The following OSBPL6 variants were observed in gnomAD, a reference collection of about 807,000 sequenced individuals.
OSBPL6 encodes the protein oxysterol binding protein like 6.
A neutral mutation model predicts 125.8 loss-of-function variants in OSBPL6; 49 were observed. That is an observed-to-expected ratio of 0.39 (90% CI 0.31 to 0.49). The LOEUF (loss-of-function observed/expected upper bound fraction) is 0.49. OSBPL6 is among the 20% of genes least tolerant of loss of function. The pLI is 0.88. For missense variants in OSBPL6, 986 were observed against 1,135.4 expected (o/e 0.87, Z 1.89); for synonymous variants, 394 against 391.8 (o/e 1.01, Z -0.07).
chr2:178,373,625 G>A (rs1407683195), intron 14 of OSBPL6, among the ~76,000 whole-genome samples: 1 of 152,160 alleles, frequency 6.6e-6, no homozygotes, highest in Non-Finnish European at 1.5e-5. Context: ...GGTATTCATA[G>A]CGGCTTAACC....
chr2:178,361,291 G>A lies in OSBPL6; in HGVS notation c.1154-391G>A, dbSNP rs149210426. ...TTTTGGATAGTTCTAAATTATTTAT[G>A]TGAGACTTTATGCTACACAGAACTG... is the stretch of plus-strand genomic sequence containing the variant. On this transcript the variant is annotated intron_variant, in intron 12 of 24. Transcript: ENST00000190611. Among the ~76,000 whole-genome samples the A allele has an allele frequency of 4.5e-3, 679 of 152,308 alleles. 6 individuals carry two copies. The highest frequency in any genetic ancestry group is 0.02 in the Middle Eastern group (6 of 294).
intron 3 of OSBPL6, among the ~76,000 whole-genome samples, chr2:178,321,113 T>G (rs1028530070): frequency 2.6e-5 from 4 of 152,212 alleles, no homozygotes; most frequent in Non-Finnish European, 5.9e-5. Context: ...ATTGTGTCAC[T>G]GCACTCCAGC....
chr2:178,224,655 C>T (rs1034134091), intron 1 of OSBPL6, among the ~76,000 whole-genome samples: 5 of 152,190 alleles, frequency 3.3e-5, no homozygotes, highest in Non-Finnish European at 7.3e-5. Flanking sequence ...TCAGTTCTGG[C>T]CAGGTGTGGT....
chr2:178,378,026 A>C (rs1446112476), intron 15 of OSBPL6, among the ~76,000 whole-genome samples: 1 of 151,906 alleles, frequency 6.6e-6, no homozygotes, highest in Non-Finnish European at 1.5e-5. Flanking sequence ...ATGAGGTTTC[A>C]CCATGTTGGC....
At chr2:178,216,373 T>A (rs934095540) in intron 1 of OSBPL6, among the ~76,000 whole-genome samples, 1 of 152,192 alleles carries the variant, frequency 6.6e-6, no homozygotes, top group Non-Finnish European at 1.5e-5. Context: ...AAGGCAAGTA[T>A]GAAAGACTCT....
intron 2 of OSBPL6, among the ~76,000 whole-genome samples, chr2:178,286,744 G>A (rs1156317567): frequency 1.3e-5 from 2 of 152,116 alleles, no homozygotes; most frequent in Non-Finnish European, 2.9e-5. Context: ...CTTTTTGAAT[G>A]ACCCCCGTAG....
intron 18 of OSBPL6, among the ~76,000 whole-genome samples, chr2:178,384,515 C>T (rs1426253799): frequency 3.9e-5 from 6 of 152,140 alleles, no homozygotes; most frequent in Non-Finnish European, 7.4e-5. Flanking sequence ...ATGGAGACTT[C>T]CAGGTCATAG....
At chr2:178,377,345 A>C (rs935423400) in intron 15 of OSBPL6, among the ~76,000 whole-genome samples, 4 of 152,196 alleles carry the variant, frequency 2.6e-5, no homozygotes, top group African/African-American at 9.6e-5. Context: ...CTCACTCACG[A>C]TCAGGAAGAC....
At chr2:178,379,009 T>C (rs1375889024) in intron 15 of OSBPL6, among the ~76,000 whole-genome samples, 1 of 151,446 alleles carries the variant, frequency 6.6e-6, no homozygotes, top group African/African-American at 2.4e-5. Context: ...TACAAAAAAA[T>C]AAAATAAAAT....
intron 12 of OSBPL6, among the ~76,000 whole-genome samples, chr2:178,356,145 A>G (rs1339927459): frequency 6.6e-6 from 1 of 152,220 alleles, no homozygotes; most frequent in African/African-American, 2.4e-5. Flanking sequence ...TGAATGGGCA[A>G]AAACTGGAAG....
intron 3 of OSBPL6, among the ~76,000 whole-genome samples, chr2:178,310,007 G>A (rs186758066): frequency 4.9e-4 from 74 of 152,320 alleles, no homozygotes; most frequent in Non-Finnish European, 7.9e-4. Flanking sequence ...GATAAGTCCC[G>A]AAGTAAGAAC....
At chr2:178,232,542 A>G (rs986819063) in intron 1 of OSBPL6, among the ~76,000 whole-genome samples, 19 of 152,226 alleles carry the variant, frequency 1.2e-4, no homozygotes, top group African/African-American at 4.1e-4. Context: ...GGTAGTCGTG[A>G]TGGCTAAATC....
intron 1 of OSBPL6, among the ~76,000 whole-genome samples, chr2:178,261,604 A>G (rs1314330010): frequency 6.6e-6 from 1 of 152,216 alleles, no homozygotes; most frequent in African/African-American, 2.4e-5. Flanking sequence ...GAAAAACTAC[A>G]TTCAAATGTG....
chr2:178,355,985 A>G (rs1463365357), intron 12 of OSBPL6, among the ~76,000 whole-genome samples: 2 of 152,250 alleles, frequency 1.3e-5, no homozygotes, highest in African/African-American at 2.4e-5. Flanking sequence ...AATGACAAAA[A>G]CCACATGATT....
intron 9 of OSBPL6, among the ~76,000 whole-genome samples, chr2:178,336,780 C>T (rs190312039): frequency 4.5e-4 from 69 of 152,218 alleles, no homozygotes; most frequent in African/African-American, 1.6e-3. Context: ...AGAGGAGTAA[C>T]CCCCAAGGAG....
Position 178,395,937 on chromosome 2 carries a change from G to T in OSBPL6, c.*378G>T. 2 of 380,794 alleles carry T rather than the reference G, an allele frequency of 5.3e-6. No homozygotes were observed. The highest frequency in any genetic ancestry group is 1.0e-5 in the Non-Finnish European group (2 of 197,758). The allele number at this position is 380,794 out of a possible 1,614,324, so 23.6% of individuals were successfully genotyped here. The stretch of plus-strand genomic sequence containing the variant: ...GTTAACAACAACATAGAAACCACAC[G>T]ATTGTTCCACTGTCTGGAAGCACCA... On this transcript the variant is annotated 3_prime_UTR_variant, in exon 25 of 25. Transcript: ENST00000190611.
chr2:178,322,843 A>G (rs942294710), intron 3 of OSBPL6, among the ~76,000 whole-genome samples: 1 of 151,028 alleles, frequency 6.6e-6, no homozygotes, highest in African/African-American at 2.4e-5. Context: ...TGTATCTTTG[A>G]TCTTTACAGT....
intron 3 of OSBPL6, among the ~76,000 whole-genome samples, chr2:178,322,312 G>A (rs1044613627): frequency 3.9e-5 from 6 of 152,144 alleles, no homozygotes; most frequent in Admixed American, 1.3e-4. Context: ...GATGGGGATC[G>A]GGGAGAGTCG....
At chr2:178,361,438 A>G (rs1248923538) in intron 12 of OSBPL6, among the ~76,000 whole-genome samples, 1 of 152,200 alleles carries the variant, frequency 6.6e-6, no homozygotes, top group East Asian at 1.9e-4. Context: ...CTACTTCCAG[A>G]TTTTTGTTGG....
Sources: gnomAD v4.1 joint callset for allele counts (sites outside exome capture counted in the v4.1 genomes callset) on GRCh38, gnomAD v4.1.1 for gene constraint, MANE v1.5 for transcripts, NCBI Gene and HGNC (gene_info 2026-07-23, HGNC 2026-07-21) for gene names.